P2RY2: variants seen among roughly 807,000 people sequenced by gnomAD.
P2RY2 encodes the protein P2Y purinoceptor 2.
For synonymous variants in P2RY2, 241 were observed against 231.9 expected, an observed-to-expected ratio of 1.04 and a Z score of -0.35; for missense variants, 567 against 515.7, an observed-to-expected ratio of 1.10 and a Z score of -0.96.
At chr11:73,227,099 C>T (rs1263769718) in intron 1 of P2RY2, among the ~76,000 whole-genome samples, 1 of 152,108 alleles carries the variant, frequency 6.6e-6, no homozygotes, top group Non-Finnish European at 1.5e-5. Context: ...CCCCAACAGG[C>T]CCTGGTGTAT....
In P2RY2 at chr11:73,236,889, G is replaced by T; in HGVS notation, c.*1596G>T. On this transcript the variant is annotated 3_prime_UTR_variant, in exon 3 of 3. Transcript: ENST00000393597. ...GTGGCGCTCAGCTGGACAGGGCCCC[G>T]CCCTAGCCTTTGGAAAGGGACAGGG... 1.5e-5 allele frequency: 15 copies of T among 984,850 alleles called. No individual in the cohort carries two copies. Among genetic ancestry groups the T allele is most frequent in the Non-Finnish European group, 1.8e-5 (15 of 829,730 alleles). 61.0% of individuals were successfully genotyped at this position (984,850 alleles called of 1,614,324 possible). A position where few individuals can be genotyped will look rare whatever the true frequency, so the allele number is the denominator to read the frequency against.
chr11:73,221,016 T>C (rs1163745962), intron 1 of P2RY2, among the ~76,000 whole-genome samples: 1 of 152,126 alleles, frequency 6.6e-6, no homozygotes, highest in Non-Finnish European at 1.5e-5. Flanking sequence ...CCTTGCTTCT[T>C]TGAGAGCAGA....
chr11:73,241,244 T>A lies in P2RY2; in HGVS notation c.*5951T>A, dbSNP rs924982799. 6 of 152,210 alleles carry A rather than the reference T, an allele frequency of 3.9e-5. No individual in the cohort carries two copies. Among genetic ancestry groups the A allele is most frequent in the African/African-American group, 1.4e-4 (6 of 41,450 alleles). 9.4% of individuals were successfully genotyped at this position (152,210 alleles called of 1,614,324 possible). On this transcript the variant is annotated 3_prime_UTR_variant, in exon 3 of 3. Coordinates refer to ENST00000393597, the MANE Select transcript of P2RY2 (RefSeq NM_002564.4). Reference sequence around the variant, plus strand: ...ATCCACCCAGTCGGTGGCATTTTGTTATAGCAGCCCACGCTGACTGTGACT... The same window carrying A: ...ATCCACCCAGTCGGTGGCATTTTGTAATAGCAGCCCACGCTGACTGTGACT...
rs575164479 is a variant in P2RY2 at position 73,236,921 on chromosome 11, T to C, written c.*1628T>C. ...CCTTTGGAAAGGGACAGGGCAAAGC[T>C]GACAGGCCTCACTCTTGATCTCAAG... On this transcript the variant is annotated 3_prime_UTR_variant, in exon 3 of 3. Transcript: ENST00000393597. 9 of 985,108 alleles carry C rather than the reference T, an allele frequency of 9.1e-6. No individual in the cohort carries two copies. The South Asian group carries it at 4.2e-4, about 46-fold the overall frequency. The allele number at this position is 985,108 out of a possible 1,614,324, so 61.0% of individuals were successfully genotyped here. A position where few individuals can be genotyped will look rare whatever the true frequency, so the allele number is the denominator to read the frequency against.
At chr11:73,224,906 G>A (rs1862233209) in intron 1 of P2RY2, among the ~76,000 whole-genome samples, 1 of 152,128 alleles carries the variant, frequency 6.6e-6, no homozygotes, top group Non-Finnish European at 1.5e-5. Context: ...AACCTTCTGA[G>A]GCAGGTACTG....
Position 73,235,966 on chromosome 11 carries a change from G to T in P2RY2, c.*673G>T. 1.0e-6 allele frequency: 1 copy of T among 1,000,358 alleles called. No homozygotes were observed. The allele number at this position is 1,000,358 out of a possible 1,614,324, so 62.0% of individuals were successfully genotyped here. On this transcript the variant is annotated 3_prime_UTR_variant, in exon 3 of 3. Coordinates refer to ENST00000393597, the MANE Select transcript of P2RY2 (RefSeq NM_002564.4). ...CCCTATTGTGTGGTCGGGGGATGAG[G>T]ATATGGCAGGGAAGCTTTCACCAGC...
At chr11:73,225,547 A>G (rs1374513294) in intron 1 of P2RY2, among the ~76,000 whole-genome samples, 1 of 151,998 alleles carries the variant, frequency 6.6e-6, no homozygotes, top group East Asian at 1.9e-4. Flanking sequence ...CTGTGGGGCC[A>G]AAAAGGGATG....
In P2RY2 at chr11:73,238,744, G is replaced by C. The variant is rs1158780978; in HGVS notation, c.*3451G>C. Among the ~76,000 whole-genome samples the C allele has an allele frequency of 6.6e-6, 1 of 152,198 alleles. No individual in the cohort carries two copies. Among genetic ancestry groups the C allele is most frequent in the Non-Finnish European group, 1.5e-5 (1 of 68,038 alleles). On this transcript the variant is annotated 3_prime_UTR_variant, in exon 3 of 3. Transcript: ENST00000393597. ...TGTTCCAGGTTATCCAGGCTGTCAGGGTGAGTCAGAGTGAGTCCAGGTTCA... is the reference window on the plus strand; with the variant it reads ...TGTTCCAGGTTATCCAGGCTGTCAGCGTGAGTCAGAGTGAGTCCAGGTTCA...
intron 2 of P2RY2, among the ~76,000 whole-genome samples, chr11:73,230,159 G>A (rs1429967563): frequency 5.9e-5 from 9 of 151,992 alleles, no homozygotes; most frequent in East Asian, 1.9e-4. Flanking sequence ...GTGAGCCAGC[G>A]ACTCTCAGCT....
At position 73,242,001 on chromosome 11, in the gene P2RY2, A is replaced by C. The variant is rs1254207340; in HGVS notation, c.*6708A>C. On this transcript the variant is annotated 3_prime_UTR_variant, in exon 3 of 3. Coordinates refer to ENST00000393597, the MANE Select transcript of P2RY2 (RefSeq NM_002564.4). Reference sequence around the variant, plus strand: ...GAAGCCTGTCCCCCTCCCACCCCACACCCCACACTTGGCTGAGATCTCACA... The same window carrying C: ...GAAGCCTGTCCCCCTCCCACCCCACCCCCCACACTTGGCTGAGATCTCACA... 6.6e-6 allele frequency: 1 copy of C among 151,656 alleles called. No individual in the cohort carries two copies. Among genetic ancestry groups the C allele is most frequent in the African/African-American group, 2.4e-5 (1 of 41,208 alleles). 9.4% of individuals were successfully genotyped at this position (151,656 alleles called of 1,614,324 possible).
intron 2 of P2RY2, among the ~76,000 whole-genome samples, chr11:73,228,818 T>C (rs1389778768): frequency 6.6e-6 from 1 of 152,164 alleles, no homozygotes; most frequent in Non-Finnish European, 1.5e-5. Context: ...TGTAAGTAAC[T>C]TGATCAAGGT....
At chr11:73,233,891 T>A in intron 2 of P2RY2, 1 of 517,530 alleles carries the variant, frequency 1.9e-6, no homozygotes, top group East Asian at 3.2e-5. Context: ...GGCACCGTTG[T>A]GTTCCAACAA....
chr11:73,228,196 G>C lies in P2RY2; in HGVS notation c.-5+21G>C, dbSNP rs1235843440. 6.7e-5 allele frequency: 9 copies of C among 134,756 alleles called. No homozygotes were observed. In the East Asian group the frequency reaches 8.4e-4, roughly 13 times the overall value. The allele number at this position is 134,756 out of a possible 1,614,324, so 8.3% of individuals were successfully genotyped here. On this transcript the variant is annotated intron_variant, in intron 2 of 2. Coordinates refer to ENST00000393597, the MANE Select transcript of P2RY2 (RefSeq NM_002564.4). ...GTCAGGTACGTGGGGTGGGGGTGGG[G>C]GGGAGCGGGTACGCTGGCCGGGAGG...
chr11:73,229,734 G>T (rs544992929), intron 2 of P2RY2, among the ~76,000 whole-genome samples: 2 of 152,252 alleles, frequency 1.3e-5, no homozygotes, highest in African/African-American at 4.8e-5. Flanking sequence ...CAGTGTCAGA[G>T]ATTCCACTGT....
In P2RY2 at chr11:73,240,530, G is replaced by T. The variant is rs536327977; in HGVS notation, c.*5237G>T. ...GACTCCTGGGAGACACAACCAGTTG[G>T]AATGAGTTTTCCCTCCTGGCAGGGA... On this transcript the variant is annotated 3_prime_UTR_variant, in exon 3 of 3. Coordinates refer to ENST00000393597, the MANE Select transcript of P2RY2 (RefSeq NM_002564.4). 1 of 152,366 alleles carries T rather than the reference G, an allele frequency of 6.6e-6. No individual in the cohort carries two copies. Among genetic ancestry groups the T allele is most frequent in the African/African-American group, 2.4e-5 (1 of 41,550 alleles). The allele number at this position is 152,366 out of a possible 1,614,324, so 9.4% of individuals were successfully genotyped here.
chr11:73,239,180 G>C lies in P2RY2; in HGVS notation c.*3887G>C, dbSNP rs1055846412. ...GCCCTCACAGAGTTGACATCACTTA[G>C]TACGTAACCACATTGGGATACATGT... On this transcript the variant is annotated 3_prime_UTR_variant, in exon 3 of 3. Coordinates refer to ENST00000393597, the MANE Select transcript of P2RY2 (RefSeq NM_002564.4). 4 of 152,318 alleles carry C rather than the reference G, an allele frequency of 2.6e-5. No individual in the cohort carries two copies. Among genetic ancestry groups the C allele is most frequent in the Non-Finnish European group, 5.9e-5 (4 of 68,094 alleles). 9.4% of individuals were successfully genotyped at this position (152,318 alleles called of 1,614,324 possible). A position where few individuals can be genotyped will look rare whatever the true frequency, so the allele number is the denominator to read the frequency against.
At chr11:73,233,104 T>G (rs1862507175) in intron 2 of P2RY2, among the ~76,000 whole-genome samples, 1 of 152,114 alleles carries the variant, frequency 6.6e-6, no homozygotes, top group Admixed American at 6.5e-5. Flanking sequence ...TGGATAGGCA[T>G]GGAAGAAGCT....
Position 73,235,791 on chromosome 11 carries a change from C to A in P2RY2, c.*498C>A, listed in dbSNP as rs1389427747. On this transcript the variant is annotated 3_prime_UTR_variant, in exon 3 of 3. Transcript: ENST00000393597. ...CAGTGGTCTGGAATGGACTGGGTGCCACGGTGGACTTAGCTCTGAGGAGTA... is the reference window on the plus strand; with the variant it reads ...CAGTGGTCTGGAATGGACTGGGTGCAACGGTGGACTTAGCTCTGAGGAGTA... 9.0e-6 allele frequency: 9 copies of A among 1,001,228 alleles called. No homozygotes were observed. Among genetic ancestry groups the A allele is most frequent in the Non-Finnish European group, 1.1e-5 (9 of 830,902 alleles). 62.0% of individuals were successfully genotyped at this position (1,001,228 alleles called of 1,614,324 possible). A position where few individuals can be genotyped will look rare whatever the true frequency, so the allele number is the denominator to read the frequency against.
chr11:73,219,151 G>A (rs192102410), intron 1 of P2RY2, among the ~76,000 whole-genome samples: 1 of 152,340 alleles, frequency 6.6e-6, no homozygotes, highest in Non-Finnish European at 1.5e-5. Context: ...GGGATTTGTG[G>A]GGTCCATGGC....
Sources: allele counts gnomAD v4.1 joint callset (sites outside exome capture counted in the v4.1 genomes callset), GRCh38; gene constraint gnomAD v4.1.1; transcripts MANE v1.5; gene names NCBI Gene and HGNC (gene_info 2026-07-23, HGNC 2026-07-21).